FAM228B: variants seen among roughly 807,000 people sequenced by gnomAD.
FAM228B encodes the protein family with sequence similarity 228 member B, also known as protein FAM228B.
Under a neutral mutation model 42.6 loss-of-function variants are expected in FAM228B, and 38 were observed. That is an observed-to-expected ratio of 0.89 (90% CI 0.69 to 1.17). The LOEUF (loss-of-function observed/expected upper bound fraction) is 1.17, where lower values mean the gene tolerates loss of function less well. FAM228B is among the 50% of genes most tolerant of loss of function. The pLI is 0.00. For missense variants in FAM228B, 344 were observed against 367.3 expected (o/e 0.94, Z 0.52); for synonymous variants, 109 against 122.3 (o/e 0.89, Z 0.72).
Position 24,145,158 on chromosome 2 carries a change from C to T in FAM228B, c.442-1590C>T, listed in dbSNP as rs1368751388. ...CACTGCATGCACCCAAGCAAGCCAC[C>T]TGGAGACCCAAGAACTGGCCCACCT... On this transcript the variant is annotated intron_variant, in intron 5 of 10. Transcript: ENST00000615575. Among the ~76,000 whole-genome samples, 3 of 152,230 alleles carry T rather than the reference C, an allele frequency of 2.0e-5. No individual in the cohort carries two copies. The East Asian group carries it at 5.8e-4, about 29-fold the overall frequency.
intron 7 of FAM228B, among the ~76,000 whole-genome samples, chr2:24,150,560 G>T (rs962204980): frequency 2.0e-5 from 3 of 152,054 alleles, no homozygotes; most frequent in South Asian, 2.1e-4. Flanking sequence ...AAGTAGCTGG[G>T]ATTACAGCTG....
chr2:24,131,806 T>A (rs1272647154), intron 2 of FAM228B, among the ~76,000 whole-genome samples: 1 of 152,216 alleles, frequency 6.6e-6, no homozygotes, highest in Non-Finnish European at 1.5e-5. Flanking sequence ...CTCTTCCTAT[T>A]TGAATACACT....
At chr2:24,110,601 G>A (rs887274482) in intron 3 of FAM228B, among the ~76,000 whole-genome samples, 7 of 152,310 alleles carry the variant, frequency 4.6e-5, no homozygotes, top group East Asian at 3.9e-4. Context: ...GCTGGGAGGC[G>A]CATGTGTCTG....
chr2:24,084,614 C>A lies in FAM228B; in HGVS notation c.-210+3659C>A, dbSNP rs1372493911. The A allele has an allele frequency of 5.2e-6, 2 of 381,346 alleles. No individual in the cohort carries two copies. Among genetic ancestry groups the A allele is most frequent in the Non-Finnish European group, 9.4e-6 (2 of 212,126 alleles). 23.6% of individuals were successfully genotyped at this position (381,346 alleles called of 1,614,324 possible). ...AACGGCGGGAAGTGGGATGGCGGTA[C>A]AGGGCTGGATGCGGCAGAGCAGGAC... is the stretch of plus-strand genomic sequence containing the variant. On this transcript the variant is annotated intron_variant, in intron 2 of 10. Transcript: ENST00000613899. This position sits in a 1 kb window ranked among gnomAD's most constrained non-coding sequence, Gnocchi z 8.4.
At chr2:24,113,804 G>T (rs1038344195) in intron 3 of FAM228B, among the ~76,000 whole-genome samples, 1 of 152,152 alleles carries the variant, frequency 6.6e-6, no homozygotes, top group Admixed American at 6.5e-5. Flanking sequence ...TTGAAACCTG[G>T]AGGTGGAGGT....
chr2:24,135,729 C>T (rs771277257), intron 3 of FAM228B, among the ~76,000 whole-genome samples: 1 of 152,116 alleles, frequency 6.6e-6, no homozygotes, highest in African/African-American at 2.4e-5. Flanking sequence ...GGGACTCGGC[C>T]TAGCAGACCT....
intron 7 of FAM228B, among the ~76,000 whole-genome samples, chr2:24,149,253 G>A (rs942684094): frequency 6.6e-6 from 1 of 152,190 alleles, no homozygotes; most frequent in African/African-American, 2.4e-5. Context: ...CAGTGGGATT[G>A]CTGAATCACG....
At chr2:24,139,316 A>G in intron 4 of FAM228B, 54 bp from the exon 5 acceptor site, 3 of 1,117,042 alleles carry the variant, frequency 2.7e-6, no homozygotes, top group Admixed American at 4.5e-5. Flanking sequence ...TGATATGCTC[A>G]AAATTAACTG....
At chr2:24,122,710 A>T (rs1573755502), upstream of FAM228B, 1 of 507,638 alleles carries the variant, frequency 2.0e-6, no homozygotes, top group East Asian at 3.1e-5. Context: ...GCCCACCAGT[A>T]CCCAAAGAGG....
intron 2 of FAM228B, among the ~76,000 whole-genome samples, chr2:24,131,898 G>T (rs1666463721): frequency 6.6e-6 from 1 of 152,182 alleles, no homozygotes; most frequent in Admixed American, 6.5e-5. Context: ...GGGCATCCTT[G>T]TCTTGTGCTG....
Position 24,084,978 on chromosome 2 carries a change from G to A in FAM228B, c.-210+4023G>A, listed in dbSNP as rs1003650858. 1 of 152,230 alleles carries A rather than the reference G, an allele frequency of 6.6e-6. No individual in the cohort carries two copies. The highest frequency in any genetic ancestry group is 6.5e-5 in the Admixed American group (1 of 15,288). The allele number at this position is 152,230 out of a possible 1,614,324, so 9.4% of individuals were successfully genotyped here. On this transcript the variant is annotated intron_variant, in intron 2 of 10. Coordinates refer to the FAM228B transcript ENST00000613899. The surrounding 1 kb of genome is among the most constrained non-coding windows in gnomAD (Gnocchi z 8.4). ...CAAATCAGATTTTCTTGTCCTTTTA[G>A]CCTCTGGAAAAGAGTCTTTCTCTCA...
chr2:24,144,509 T>G (rs1021616790), intron 5 of FAM228B, among the ~76,000 whole-genome samples: 4 of 152,184 alleles, frequency 2.6e-5, no homozygotes, highest in Non-Finnish European at 4.4e-5. Context: ...AAATTGTACT[T>G]GGAACACGTC....
intron 3 of FAM228B, among the ~76,000 whole-genome samples, chr2:24,099,966 A>G (rs1341802786): frequency 1.3e-5 from 2 of 152,188 alleles, no homozygotes; most frequent in Non-Finnish European, 2.9e-5. Flanking sequence ...ATAACACCAC[A>G]CATCTACAAC....
intron 9 of FAM228B, among the ~76,000 whole-genome samples, chr2:24,164,879 T>C (rs184791900): frequency 6.6e-6 from 1 of 152,212 alleles, no homozygotes; most frequent in Non-Finnish European, 1.5e-5. Context: ...ACCTTGTGAC[T>C]CCTGGATTGC....
chr2:24,101,109 G>T (rs1665596172), intron 3 of FAM228B, among the ~76,000 whole-genome samples: 1 of 152,168 alleles, frequency 6.6e-6, no homozygotes, highest in South Asian at 2.1e-4. Context: ...ACCAGGGCCT[G>T]TTGGGGGGTT....
chr2:24,092,313 G>A (rs1039395945), intron 2 of FAM228B, among the ~76,000 whole-genome samples: 3 of 150,242 alleles, frequency 2.0e-5, no homozygotes, highest in African/African-American at 7.3e-5. Context: ...AGTGGCTCAG[G>A]CCTGTAATCT....
chr2:24,082,894 G>A (rs1665067464), intron 2 of FAM228B: 3 of 1,606,274 alleles, frequency 1.9e-6, no homozygotes, highest in South Asian at 1.1e-5. Flanking sequence ...CCCACAAGAT[G>A]TAACAGCTGG....
At position 24,084,204 on chromosome 2, in the gene FAM228B, C is replaced by T; in HGVS notation, c.-210+3249C>T. The stretch of plus-strand genomic sequence containing the variant: ...CCCTGGGTACCTGCATTAAGTCCGC[C>T]CGGTTCAGGGCGCTGGCCGCCACCT... On this transcript the variant is annotated intron_variant, in intron 2 of 10. Coordinates refer to the FAM228B transcript ENST00000613899. The surrounding 1 kb of genome is among the most constrained non-coding windows in gnomAD (Gnocchi z 8.4). 1 of 1,613,252 alleles carries T rather than the reference C, an allele frequency of 6.2e-7. No homozygotes were observed. Among genetic ancestry groups the T allele is most frequent in the Admixed American group, 1.7e-5 (1 of 59,982 alleles).
intron 2 of FAM228B, 40 bp from the exon 3 acceptor site, chr2:24,135,079 T>G: frequency 7.8e-7 from 1 of 1,289,130 alleles, no homozygotes; most frequent in Non-Finnish European, 1.1e-6. Flanking sequence ...CTAATAGTTT[T>G]TAAAGATTTT....
Sources: allele counts gnomAD v4.1 joint callset (sites outside exome capture counted in the v4.1 genomes callset), GRCh38; gene constraint gnomAD v4.1.1; non-coding constraint Gnocchi (gnomAD v3.1); transcripts MANE v1.5; gene names NCBI Gene and HGNC (gene_info 2026-07-23, HGNC 2026-07-21).